ZSWIM6: variants seen among roughly 807,000 people sequenced by gnomAD.
The protein encoded by ZSWIM6 is zinc finger SWIM-type containing 6.
In ZSWIM6, 9 loss-of-function variants were observed where a neutral mutation model predicts 113.2. The observed-to-expected ratio is 0.08, with a 90% CI of 0.05 to 0.14. The LOEUF (loss-of-function observed/expected upper bound fraction) is 0.14, where lower values mean the gene tolerates loss of function less well. Among genes scored for constraint, ZSWIM6 ranks in the 10% least tolerant of loss-of-function variants. ZSWIM6 has a pLI of 1.00. For synonymous variants in ZSWIM6, 611 were observed against 606.5 expected (o/e 1.01, Z -0.11); for missense variants, 1,162 against 1,552.2 (o/e 0.75, Z 4.22).
At chr5:61,336,805 A>T (rs1050013040) in intron 1 of ZSWIM6, among the ~76,000 whole-genome samples, 1 of 152,232 alleles carries the variant, frequency 6.6e-6, no homozygotes, top group African/African-American at 2.4e-5. Context: ...AAACACTACA[A>T]ATCAAATTTA....
At chr5:61,511,540 A>T (rs896894161) in intron 4 of ZSWIM6, among the ~76,000 whole-genome samples, 1 of 152,114 alleles carries the variant, frequency 6.6e-6, no homozygotes, top group African/African-American at 2.4e-5. Flanking sequence ...AGGTGATCAG[A>T]TGATAAGGGT....
At chr5:61,469,775 C>G (rs1269701458) in intron 1 of ZSWIM6, among the ~76,000 whole-genome samples, 1 of 152,054 alleles carries the variant, frequency 6.6e-6, no homozygotes, top group Non-Finnish European at 1.5e-5. Context: ...TCTTGGCTCA[C>G]TGGCTCACTG....
chr5:61,337,284 C>CA (rs1043399383), intron 1 of ZSWIM6, among the ~76,000 whole-genome samples: 1 of 147,280 alleles, frequency 6.8e-6, no homozygotes, highest in African/African-American at 2.5e-5. Context: ...GTCTCCCCCC[C>CA]CAAAAAAAAC....
At chr5:61,466,676 G>A (rs1334596736) in intron 1 of ZSWIM6, among the ~76,000 whole-genome samples, 1 of 152,068 alleles carries the variant, frequency 6.6e-6, no homozygotes, top group African/African-American at 2.4e-5. Flanking sequence ...AATGCTTTGA[G>A]TTTATAACAG....
At position 61,415,096 on chromosome 5, in the gene ZSWIM6, C is replaced by T. The variant is rs186813668; in HGVS notation, c.677-57585C>T. 9.2e-4 allele frequency among the ~76,000 whole-genome samples: 140 copies of T among 152,302 alleles called. 1 individual carries two copies. The highest frequency in any genetic ancestry group is 3.2e-3 in the African/African-American group (131 of 41,558). On this transcript the variant is annotated intron_variant, in intron 1 of 13. Transcript: ENST00000252744. ...GACTGGCACCAAAGCTGATGCTCCTCGTACTGTTCCCTATGGCTGCAACAC... is the reference window on the plus strand; with the variant it reads ...GACTGGCACCAAAGCTGATGCTCCTTGTACTGTTCCCTATGGCTGCAACAC...
Position 61,539,710 on chromosome 5 carries a change from G to C in ZSWIM6, c.2654G>C (p.Ser885Thr). The C allele has an allele frequency of 6.4e-7, 1 of 1,551,560 alleles. No individual in the cohort carries two copies. Among genetic ancestry groups the C allele is most frequent in the African/African-American group, 1.4e-5 (1 of 73,156 alleles). The part of the protein sequence containing the change: ...DAFKIATLMD[S>T]LPDITLLKVS... The stretch of plus-strand genomic sequence containing the variant: ...TTTAAAATAGCAACTCTCATGGACA[G>C]TTTGCCAGACATCACTCTTTTGAAA... The change falls in exon 12 of 14, where the codon AGT becomes ACT. Residue 885 changes from serine to threonine, a missense_variant. This residue lies in a region of ZSWIM6 where 620 missense variants were observed against 804.6 expected (regional missense o/e 0.77). Coordinates refer to ENST00000252744, the MANE Select transcript of ZSWIM6 (RefSeq NM_020928.2).
At chr5:61,524,346 T>C (rs1749223215) in intron 5 of ZSWIM6, among the ~76,000 whole-genome samples, 1 of 152,196 alleles carries the variant, frequency 6.6e-6, no homozygotes, top group Admixed American at 6.5e-5. Flanking sequence ...CAGATCATCA[T>C]TATTTATGCC....
chr5:61,405,735 C>G (rs1210958831), intron 1 of ZSWIM6, among the ~76,000 whole-genome samples: 1 of 152,098 alleles, frequency 6.6e-6, no homozygotes, highest in Non-Finnish European at 1.5e-5. Flanking sequence ...GTCAAGAGCT[C>G]TAAAGTCATT....
At chr5:61,505,680 T>TTCCCTCCCTCCCTCCCTCCCTCCC (rs1482495451) in intron 4 of ZSWIM6, among the ~76,000 whole-genome samples, 3 of 53,576 alleles carry the variant, frequency 5.6e-5, no homozygotes, top group Non-Finnish European at 1.1e-4. Context: ...CCTTCTTTCC[T>TTCCCTCCCTCCCTCCCTCCCTCCC]TGCCTCCCTC....
chr5:61,344,126 C>T lies in ZSWIM6; in HGVS notation c.676+11178C>T, dbSNP rs569393572. ...GCCAGGCTGGTCTGGAACTCTTGCC[C>T]TCAGGTGATCCATCCACCTTGGCCT... On this transcript the variant is annotated intron_variant, in intron 1 of 13. Transcript: ENST00000252744. Among the ~76,000 whole-genome samples, 21 of 152,296 alleles carry T rather than the reference C, an allele frequency of 1.4e-4. No individual in the cohort carries two copies. The East Asian group carries it at 2.3e-3, about 17-fold the overall frequency.
At chr5:61,417,949 G>A (rs1000718317) in intron 1 of ZSWIM6, among the ~76,000 whole-genome samples, 94 of 152,276 alleles carry the variant, frequency 6.2e-4, no homozygotes, top group African/African-American at 2.2e-3. Flanking sequence ...TTTAGAATTC[G>A]AAGGTACTTT....
In ZSWIM6 at chr5:61,525,926, A is replaced by G; in HGVS notation, c.1640A>G (p.Asp547Gly). Residue 547 changes from aspartate (D) to glycine (G), a missense_variant, in exon 6 of 14, where the codon GAC becomes GGC. By Grantham distance (94) the Asp-to-Gly change is moderately conservative. Transcript: ENST00000252744. Reference protein sequence around the residue: ...SDLYTNYCYHDDTENSLFDSR... With the variant: ...SDLYTNYCYHGDTENSLFDSR... ...CTATACACCAACTACTGTTACCATG[A>G]CGACACTGAAAACTCCCTCTTCGAC... 1 of 1,552,178 alleles carries G rather than the reference A, an allele frequency of 6.4e-7. No individual in the cohort carries two copies. The highest frequency in any genetic ancestry group is 8.7e-7 in the Non-Finnish European group (1 of 1,147,054).
At position 61,431,971 on chromosome 5, in the gene ZSWIM6, C is replaced by T. The variant is rs555052700; in HGVS notation, c.677-40710C>T. ...GGCTAAAACTGTAGTGGGTTTTTCTCCTTTCTGTTTTTTTGAACTACATTA... is the reference window on the plus strand; with the variant it reads ...GGCTAAAACTGTAGTGGGTTTTTCTTCTTTCTGTTTTTTTGAACTACATTA... On this transcript the variant is annotated intron_variant, in intron 1 of 13. Coordinates refer to ENST00000252744, the MANE Select transcript of ZSWIM6 (RefSeq NM_020928.2). 4.2e-4 allele frequency among the ~76,000 whole-genome samples: 64 copies of T among 151,782 alleles called. No individual in the cohort carries two copies. In the South Asian group the frequency reaches 0.013, roughly 30 times the overall value.
At chr5:61,391,486 G>T in intron 1 of ZSWIM6, 1 of 1,316,748 alleles carries the variant, frequency 7.6e-7, no homozygotes, top group Non-Finnish European at 1.1e-6. Flanking sequence ...CTTGGTAAAG[G>T]CCTTCTTCTT....
chr5:61,465,034 A>G (rs1442661230), intron 1 of ZSWIM6, among the ~76,000 whole-genome samples: 2 of 152,202 alleles, frequency 1.3e-5, no homozygotes, highest in African/African-American at 4.8e-5. Flanking sequence ...TGTGCAGGTG[A>G]CAAGGGATCC....
chr5:61,393,288 C>A (rs1745768805), intron 1 of ZSWIM6, among the ~76,000 whole-genome samples: 2 of 151,740 alleles, frequency 1.3e-5, no homozygotes, highest in Non-Finnish European at 2.9e-5. Flanking sequence ...CCTCATGATC[C>A]ACCCGCCTCA....
intron 8 of ZSWIM6, among the ~76,000 whole-genome samples, chr5:61,530,889 G>T (rs1004855896): frequency 2.6e-5 from 4 of 152,194 alleles, no homozygotes; most frequent in Admixed American, 6.5e-5. Context: ...AGGGTGAAAG[G>T]CATGAGTCTG....
At chr5:61,430,671 G>T (rs980439516) in intron 1 of ZSWIM6, among the ~76,000 whole-genome samples, 3 of 152,062 alleles carry the variant, frequency 2.0e-5, no homozygotes, top group African/African-American at 7.2e-5. Flanking sequence ...ATACTCAGGA[G>T]GTCCTAGAAC....
chr5:61,404,996 C>A (rs1056836185), intron 1 of ZSWIM6, among the ~76,000 whole-genome samples: 2 of 152,110 alleles, frequency 1.3e-5, no homozygotes, highest in African/African-American at 4.8e-5. Flanking sequence ...GAGTCAATAC[C>A]AGTAGCAGAA....
Sources: allele counts gnomAD v4.1 joint callset (sites outside exome capture counted in the v4.1 genomes callset), GRCh38; gene constraint gnomAD v4.1.1; regional missense constraint gnomAD v4.1.1; transcripts MANE v1.5; gene names NCBI Gene and HGNC (gene_info 2026-07-23, HGNC 2026-07-21).